The following MTA1 variants were observed in gnomAD, a reference collection of about 807,000 sequenced individuals.
MTA1 encodes the protein metastasis associated 1, also known as metastasis-associated protein MTA1.
MTA1 carries 15 observed loss-of-function variants against 97.0 expected under a neutral mutation model. That is an observed-to-expected ratio of 0.15 (90% CI 0.10 to 0.24). The LOEUF (loss-of-function observed/expected upper bound fraction) is 0.24, where lower values mean the gene tolerates loss of function less well. Among genes scored for constraint, MTA1 ranks in the 10% least tolerant of loss-of-function variants. The pLI is 1.00. For missense variants in MTA1, 709 were observed against 1,015.1 expected (o/e 0.70, Z 4.10); for synonymous variants, 435 against 417.5 (o/e 1.04, Z -0.51).
rs1382796135 is a variant in MTA1, at chr14:105,460,969, G to A, written c.942+16G>A. ...GCAAGATTTTGTGAGTACCGTGGGT[G>A]GCGATGGGGGAGTGGCTGGCCATGC... On this transcript the variant is annotated intron_variant, in intron 10 of 20. Transcript: ENST00000331320. The A allele has an allele frequency of 6.2e-6, 10 of 1,600,194 alleles. No individual in the cohort carries two copies. In the Admixed American group the frequency reaches 8.4e-5, roughly 14 times the overall value.
intron 18 of MTA1, chr14:105,467,746 C>T (rs1464501139): frequency 6.3e-6 from 2 of 318,240 alleles, no homozygotes; most frequent in African/African-American, 2.2e-5. Flanking sequence ...AGGGCCAGCC[C>T]ACTCTGGGCT....
At chr14:105,465,269 T>C (rs1316058563) in intron 16 of MTA1, 86 bp downstream of exon 16, 3 of 1,197,962 alleles carry the variant, frequency 2.5e-6, no homozygotes, top group Non-Finnish European at 3.4e-6. Flanking sequence ...CTCCCAGCCT[T>C]CTCTAGCTGG....
chr14:105,433,477 C>T (rs782159050), intron 1 of MTA1, among the ~76,000 whole-genome samples: 1 of 152,126 alleles, frequency 6.6e-6, no homozygotes, highest in Admixed American at 6.5e-5. Flanking sequence ...GCAGGATGCT[C>T]CAAGAGCTCC....
At chr14:105,445,299 G>A (rs369507437) in intron 2 of MTA1, 119 bp from the exon 3 acceptor site, 6 of 805,454 alleles carry the variant, frequency 7.4e-6, no homozygotes, top group South Asian at 6.6e-5. Flanking sequence ...AGTCCCGAGG[G>A]GTGGTGTGGT....
chr14:105,455,921 AGCCC>A (rs1555429795), intron 7 of MTA1, among the ~76,000 whole-genome samples: 2 of 146,954 alleles, frequency 1.4e-5, no homozygotes, highest in African/African-American at 5.2e-5. Context: ...GCTGTGCTGG[AGCCC>A]GGCCTGTGGG....
In MTA1 at chr14:105,466,491, A is replaced by T. The variant is rs587691568; in HGVS notation, c.1690A>T (p.Thr564Ser). 8.5e-6 allele frequency: 12 copies of T among 1,419,648 alleles called. No homozygotes were observed. In the Admixed American group the frequency reaches 1.7e-4, roughly 21 times the overall value. The allele number at this position is 1,419,648 out of a possible 1,614,324, so 87.9% of individuals were successfully genotyped here. A position where few individuals can be genotyped will look rare whatever the true frequency, so the allele number is the denominator to read the frequency against. Residue 564 changes from threonine to serine, a missense_variant, in exon 17 of 21, where the codon ACG becomes TCG. This residue lies in a region of MTA1 where 388 missense variants were observed against 421.6 expected (regional missense o/e 0.92). Transcript: ENST00000331320. Reference sequence around the variant, plus strand: ...CGTGTCCAGCGTGCTCAGCAGCCTGACGCCCGCCAAGGTGGCCCCCGTCAT... The same window carrying T: ...CGTGTCCAGCGTGCTCAGCAGCCTGTCGCCCGCCAAGGTGGCCCCCGTCAT... ...KSVSSVLSSL[T>S]PAKVAPVINN...
At chr14:105,440,287 C>G (rs1182755422) in intron 2 of MTA1, among the ~76,000 whole-genome samples, 1 of 152,252 alleles carries the variant, frequency 6.6e-6, no homozygotes, top group African/African-American at 2.4e-5. Flanking sequence ...TGTAGGGAAA[C>G]AGGTGCAGAG....
intron 1 of MTA1, among the ~76,000 whole-genome samples, chr14:105,429,752 C>CTTT (rs59028638): frequency 0.049 from 2,479 of 50,546 alleles, 532 homozygotes; most frequent in African/African-American, 0.21. Flanking sequence ...TGCGCCCGGC[C>CTTT]TTTTTTTTTT....
chr14:105,458,353 C>G lies in MTA1; in HGVS notation c.634C>G (p.Gln212Glu), dbSNP rs1555430362. 1 of 1,612,724 alleles carries G rather than the reference C, an allele frequency of 6.2e-7. No homozygotes were observed. Among genetic ancestry groups the G allele is most frequent in the South Asian group, 1.1e-5 (1 of 91,084 alleles). Residue 212 changes from glutamine to glutamate, a missense_variant, in exon 8 of 21, where the codon CAG (glutamine) becomes GAG (glutamate). This residue lies in a region of MTA1 where 321 missense variants were observed against 593.5 expected (regional missense o/e 0.54). Transcript: ENST00000331320. The part of the protein sequence containing the change: ...HNPLTDKQID[Q>E]FLVVARSVGT... ...CCCACTCACAGACAAGCAGATCGAC[C>G]AGTTCCTGGTGGTGGCCCGGTGAGT...
intron 3 of MTA1, among the ~76,000 whole-genome samples, chr14:105,448,568 G>A (rs2082798574): frequency 6.6e-6 from 1 of 152,232 alleles, no homozygotes; most frequent in Admixed American, 6.5e-5. Context: ...GTCCCCAGAA[G>A]TGGGAGCGAG....
intron 2 of MTA1, among the ~76,000 whole-genome samples, chr14:105,441,269 C>T (rs150196765): frequency 2.0e-5 from 3 of 147,588 alleles, no homozygotes; most frequent in Non-Finnish European, 2.9e-5. Context: ...GGCCCCCCCG[C>T]CCCTCTTGCC....
At position 105,450,194 on chromosome 14, in the gene MTA1, A is replaced by C. The variant is rs1595362613; in HGVS notation, c.368+10A>C. ...CCGCCACGCACATCAGGTAGCCCCCAGCAGCTCCCGCCCTGGGCCCCTCGG... is the reference window on the plus strand; with the variant it reads ...CCGCCACGCACATCAGGTAGCCCCCCGCAGCTCCCGCCCTGGGCCCCTCGG... On this transcript the variant is annotated intron_variant, in intron 5 of 20. Coordinates refer to ENST00000331320, the MANE Select transcript of MTA1 (RefSeq NM_004689.4). 1.5e-5 allele frequency: 24 copies of C among 1,612,450 alleles called. No individual in the cohort carries two copies. Among genetic ancestry groups the C allele is most frequent in the Non-Finnish European group, 2.0e-5 (24 of 1,179,618 alleles).
chr14:105,444,856 C>T (rs111588080), intron 2 of MTA1, among the ~76,000 whole-genome samples: 6,117 of 151,488 alleles, frequency 0.04, 407 homozygotes, highest in African/African-American at 0.14. Context: ...ATTAGAATTA[C>T]AGCACAATTC....
intron 20 of MTA1, 27 bp downstream of exon 20, chr14:105,470,019 G>A: frequency 6.2e-7 from 1 of 1,612,522 alleles, no homozygotes. Context: ...GCAGGCGGGA[G>A]GGCTCCGCAC....
At chr14:105,464,009 C>A (rs199898053) in intron 12 of MTA1, 23 bp from the exon 13 acceptor site, 3 of 1,610,326 alleles carry the variant, frequency 1.9e-6, no homozygotes, top group African/African-American at 2.7e-5. Context: ...CAACTCCTCT[C>A]GTCTCTCCTT....
At position 105,463,324 on chromosome 14, in the gene MTA1, C is replaced by T. The variant is rs2083434570; in HGVS notation, c.1017+66C>T. Reference sequence around the variant, plus strand: ...CCCCGTCCTGCGCCCCATCCTCTCCCAGCAGGTGGGCGTGCACTGCTGCAG... The same window carrying T: ...CCCCGTCCTGCGCCCCATCCTCTCCTAGCAGGTGGGCGTGCACTGCTGCAG... On this transcript the variant is annotated intron_variant, in intron 11 of 20. Transcript: ENST00000331320. The surrounding 1 kb of genome is among the most constrained non-coding windows in gnomAD (Gnocchi z 5.9). The T allele has an allele frequency of 1.3e-6, 2 of 1,578,452 alleles. No homozygotes were observed. The highest frequency in any genetic ancestry group is 1.7e-6 in the Non-Finnish European group (2 of 1,150,938).
At chr14:105,445,610 T>C (rs1236772309) in intron 3 of MTA1, 99 bp downstream of exon 3, 4 of 1,217,326 alleles carry the variant, frequency 3.3e-6, no homozygotes, top group Non-Finnish European at 4.8e-6. Context: ...CATCCTGGCC[T>C]CGTGGGGCCA....
chr14:105,464,916 A>G, intron 15 of MTA1, 53 bp downstream of exon 15: 1 of 1,507,226 alleles, frequency 6.6e-7, no homozygotes, highest in Non-Finnish European at 8.8e-7. Context: ...GTGGGGAGAG[A>G]GCAGCAACCT....
At position 105,464,577 on chromosome 14, in the gene MTA1, G is replaced by A. The variant is rs782388114; in HGVS notation, c.1344+10G>A. 7 of 1,612,462 alleles carry A rather than the reference G, an allele frequency of 4.3e-6. No individual in the cohort carries two copies. The highest frequency in any genetic ancestry group is 1.3e-5 in the African/African-American group (1 of 74,918). Reference sequence around the variant, plus strand: ...AAACCGCAGTAACATGGTAAGGGGGGGGACACCCGCCCTGCCTGCCATGAG... The same window carrying A: ...AAACCGCAGTAACATGGTAAGGGGGAGGACACCCGCCCTGCCTGCCATGAG... On this transcript the variant is annotated intron_variant, in intron 14 of 20. Transcript: ENST00000331320.
Sources: allele counts gnomAD v4.1 joint callset (sites outside exome capture counted in the v4.1 genomes callset), GRCh38; gene constraint gnomAD v4.1.1; regional missense constraint gnomAD v4.1.1; non-coding constraint Gnocchi (gnomAD v3.1); transcripts MANE v1.5; gene names NCBI Gene and HGNC (gene_info 2026-07-23, HGNC 2026-07-21).